The following ZNF536 variants were observed in gnomAD, a reference collection of about 807,000 sequenced individuals.
ZNF536 encodes zinc finger protein 536.
Under a neutral mutation model 84.5 loss-of-function variants are expected in ZNF536, and 13 were observed. That is an observed-to-expected ratio of 0.15 (90% CI 0.10 to 0.24). The LOEUF is 0.24. Ranked by LOEUF, ZNF536 falls within the 10% of genes least tolerant of loss-of-function variation. The pLI, the probability that ZNF536 is intolerant of heterozygous loss-of-function variation, is 1.00. For synonymous variants in ZNF536, 811 were observed against 742.5 expected, an observed-to-expected ratio of 1.09 and a Z score of -1.50; for missense variants, 1,536 against 1,747.5, an observed-to-expected ratio of 0.88 and a Z score of 2.16.
intron 4 of ZNF536, among the ~76,000 whole-genome samples, chr19:30,551,652 G>T (rs898498549): frequency 6.6e-6 from 1 of 152,164 alleles, no homozygotes; most frequent in Non-Finnish European, 1.5e-5. Flanking sequence ...GCAGCAGAGG[G>T]TTCAGGCCCC....
chr19:30,459,354 CTT>C (rs1257308245), intron 2 of ZNF536, among the ~76,000 whole-genome samples: 53 of 99,366 alleles, frequency 5.3e-4, no homozygotes, highest in Admixed American at 7.4e-4. Context: ...TTCTTTCTCT[CTT>C]TTTTTTTTTT....
intron 2 of ZNF536, among the ~76,000 whole-genome samples, chr19:30,446,833 CA>C (rs1398055223): frequency 1.1e-4 from 16 of 144,938 alleles, no homozygotes; most frequent in African/African-American, 4.1e-4. Flanking sequence ...ACAACAACAA[CA>C]ACAACAAAAC....
chr19:30,686,499 G>A (rs917653550), intron 1 of ZNF536, among the ~76,000 whole-genome samples: 1 of 152,202 alleles, frequency 6.6e-6, no homozygotes, highest in Non-Finnish European at 1.5e-5. Context: ...GGCTCACACA[G>A]GGCGCGGTGG....
At chr19:30,314,282 T>G (rs1600184870) in intron 2 of ZNF536, among the ~76,000 whole-genome samples, 1 of 152,016 alleles carries the variant, frequency 6.6e-6, no homozygotes, top group Non-Finnish European at 1.5e-5. Flanking sequence ...AGCGGGGCGG[T>G]GCGGGCTGGA....
intron 2 of ZNF536, among the ~76,000 whole-genome samples, chr19:30,481,755 A>G (rs746829512): frequency 5.3e-5 from 8 of 152,088 alleles, no homozygotes; most frequent in Non-Finnish European, 1.0e-4. Flanking sequence ...GATTTCTGAA[A>G]TTGTGGTGCA....
intron 1 of ZNF536, among the ~76,000 whole-genome samples, chr19:30,258,049 G>T (rs781738654): frequency 1.3e-5 from 2 of 152,176 alleles, no homozygotes; most frequent in Non-Finnish European, 2.9e-5. Context: ...CCTCATGGGG[G>T]TCTGTGTGTG....
At chr19:30,400,600 C>T (rs2050007356) in intron 1 of ZNF536, among the ~76,000 whole-genome samples, 2 of 152,216 alleles carry the variant, frequency 1.3e-5, no homozygotes, top group South Asian at 2.1e-4. Flanking sequence ...CTCACTTTGT[C>T]GCCCAGGCTG....
At chr19:30,632,711 C>T (rs140597376) in intron 1 of ZNF536, among the ~76,000 whole-genome samples, 1 of 152,328 alleles carries the variant, frequency 6.6e-6, no homozygotes, top group East Asian at 1.9e-4. Context: ...GACTAGGCCC[C>T]AATCTCTGTC....
At position 30,455,092 on chromosome 19, in the gene ZNF536, C is replaced by T. The variant is rs576125775; in HGVS notation, c.2170+9360C>T. Among the ~76,000 whole-genome samples, 61 of 152,254 alleles carry T rather than the reference C, an allele frequency of 4.0e-4. 1 individual carries two copies. Among genetic ancestry groups the T allele is most frequent in the African/African-American group, 1.4e-3 (58 of 41,564 alleles). On this transcript the variant is annotated intron_variant, in intron 2 of 4. Transcript: ENST00000355537. Reference sequence around the variant, plus strand: ...CAAAGTTTCTACTTGGTCTCGTCCACGAGTCCCGTTCACTGACTTTATGAT... The same window carrying T: ...CAAAGTTTCTACTTGGTCTCGTCCATGAGTCCCGTTCACTGACTTTATGAT...
chr19:30,636,997 G>C (rs999954921), intron 1 of ZNF536, among the ~76,000 whole-genome samples: 3 of 152,158 alleles, frequency 2.0e-5, no homozygotes, highest in Non-Finnish European at 4.4e-5. Context: ...CACATCTCTA[G>C]GATTCTGTCA....
chr19:30,659,695 A>G (rs1414310368), intron 1 of ZNF536, among the ~76,000 whole-genome samples: 2 of 152,162 alleles, frequency 1.3e-5, no homozygotes, highest in Non-Finnish European at 1.5e-5. Flanking sequence ...CACTCACTAT[A>G]AAGAGAACAG....
chr19:30,353,593 G>A (rs1158864192), intron 3 of ZNF536, among the ~76,000 whole-genome samples: 1 of 152,056 alleles, frequency 6.6e-6, no homozygotes. Context: ...CAACCCACAG[G>A]CTTCCGGGCC....
chr19:30,253,869 C>T (rs959314475), intron 1 of ZNF536, among the ~76,000 whole-genome samples: 1 of 152,196 alleles, frequency 6.6e-6, no homozygotes, highest in Non-Finnish European at 1.5e-5. Flanking sequence ...CAAATAAAAG[C>T]CTCATCAGAT....
At chr19:30,609,640 G>A (rs1003358520) in intron 1 of ZNF536, among the ~76,000 whole-genome samples, 3 of 152,182 alleles carry the variant, frequency 2.0e-5, no homozygotes, top group Non-Finnish European at 2.9e-5. Flanking sequence ...GTATAGTTAG[G>A]TTGGCCATCA....
At chr19:30,705,262 C>T (rs1300559514) in intron 1 of ZNF536, among the ~76,000 whole-genome samples, 1 of 152,114 alleles carries the variant, frequency 6.6e-6, no homozygotes, top group Non-Finnish European at 1.5e-5. Context: ...ATAGAACTTT[C>T]TTCCACATCA....
chr19:30,640,003 G>A (rs2049207971), intron 1 of ZNF536, among the ~76,000 whole-genome samples: 1 of 152,330 alleles, frequency 6.6e-6, no homozygotes, highest in East Asian at 1.9e-4. Context: ...CCAGCACTTT[G>A]GGAGGCCGAG....
rs572495007 is a variant in ZNF536, at chr19:30,258,785, T to A, written c.-189-25287T>A. Among the ~76,000 whole-genome samples, 44 of 152,116 alleles carry A rather than the reference T, an allele frequency of 2.9e-4. No homozygotes were observed. In the East Asian group the frequency reaches 7.9e-3, roughly 27 times the overall value. ...CAGGCTGGAGTGCAGTGGCATGATCTCCGTTCACTGCAACCTCTGCCTCCT... is the reference window on the plus strand; with the variant it reads ...CAGGCTGGAGTGCAGTGGCATGATCACCGTTCACTGCAACCTCTGCCTCCT... On this transcript the variant is annotated intron_variant, in intron 1 of 5. Coordinates refer to the ZNF536 transcript ENST00000585628.
chr19:30,621,388 G>A (rs921124169), intron 1 of ZNF536, among the ~76,000 whole-genome samples: 1 of 151,996 alleles, frequency 6.6e-6, no homozygotes, highest in Admixed American at 6.6e-5. Context: ...TAGAAAGGGG[G>A]TGTGGCCTCT....
intron 1 of ZNF536, among the ~76,000 whole-genome samples, chr19:30,615,676 G>C (rs1766434035): frequency 2.0e-5 from 3 of 152,040 alleles, no homozygotes; most frequent in African/African-American, 4.8e-5. Flanking sequence ...GGGGTGGCAG[G>C]GGGAGGAGAA....
Sources: gnomAD v4.1 joint callset for allele counts (sites outside exome capture counted in the v4.1 genomes callset) on GRCh38, gnomAD v4.1.1 for gene constraint, MANE v1.5 for transcripts, NCBI Gene and HGNC (gene_info 2026-07-23, HGNC 2026-07-21) for gene names.